ZDHHC13: variants seen among roughly 807,000 people sequenced by gnomAD.
ZDHHC13 encodes palmitoyltransferase ZDHHC13.
ZDHHC13 carries 85 observed loss-of-function variants against 86.0 expected under a neutral mutation model. The ratio of observed to expected loss-of-function variants is 0.99; its 90% CI spans 0.83 to 1.18. ZDHHC13 has a LOEUF of 1.18. ZDHHC13 is among the 50% of genes most tolerant of loss of function. The probability of loss-of-function intolerance (pLI) is 0.00; values close to 1 mark genes in which losing one functional copy is unlikely to be tolerated. For synonymous variants in ZDHHC13, 263 were observed against 246.4 expected, an observed-to-expected ratio of 1.07 and a Z score of -0.63; for missense variants, 711 against 730.2, an observed-to-expected ratio of 0.97 and a Z score of 0.30.
At chr11:19,146,329 G>T in intron 3 of ZDHHC13, 26 bp downstream of exon 3, 1 of 1,599,192 alleles carries the variant, frequency 6.3e-7, no homozygotes, top group Non-Finnish European at 8.5e-7. Flanking sequence ...TGTGTTAATT[G>T]TGTATTTATA....
At chr11:19,147,749 C>G (rs947657644) in intron 4 of ZDHHC13, 76 bp downstream of exon 4, 1 of 900,724 alleles carries the variant, frequency 1.1e-6, no homozygotes, top group Non-Finnish European at 1.6e-6. Flanking sequence ...CAGTTATAGA[C>G]GATTTGAAAG....
At chr11:19,129,164 C>T (rs987277126) in intron 1 of ZDHHC13, among the ~76,000 whole-genome samples, 1 of 152,072 alleles carries the variant, frequency 6.6e-6, no homozygotes, top group African/African-American at 2.4e-5. Flanking sequence ...TTAAAGATTC[C>T]TTAGGATTTT....
chr11:19,136,848 A>C (rs1376923955), intron 1 of ZDHHC13, among the ~76,000 whole-genome samples: 123 of 150,806 alleles, frequency 8.2e-4, no homozygotes, highest in African/African-American at 2.8e-3. Context: ...GAAATAAAAT[A>C]CTTTACAGAC....
Position 19,164,294 on chromosome 11 carries a change from C to T in ZDHHC13, c.1234-7C>T. ...TGTGGTAATAGGTCAAACTTCATGT[C>T]TTTCAGAATATCATCACCCTTGCAG... On this transcript the variant is annotated splice_polypyrimidine_tract_variant and splice_region_variant and intron_variant, in intron 11 of 16. Coordinates refer to ENST00000446113, the MANE Select transcript of ZDHHC13 (RefSeq NM_019028.3). 1 of 1,612,734 alleles carries T rather than the reference C, an allele frequency of 6.2e-7. No homozygotes were observed. Among genetic ancestry groups the T allele is most frequent in the Non-Finnish European group, 8.5e-7 (1 of 1,179,344 alleles).
At chr11:19,132,940 C>A (rs1216838742) in intron 1 of ZDHHC13, among the ~76,000 whole-genome samples, 1 of 152,110 alleles carries the variant, frequency 6.6e-6, no homozygotes. Context: ...GAAGGCTCTA[C>A]TTCATTTTTA....
intron 13 of ZDHHC13, among the ~76,000 whole-genome samples, chr11:19,165,535 G>A (rs1033788148): frequency 6.6e-6 from 1 of 152,164 alleles, no homozygotes; most frequent in Non-Finnish European, 1.5e-5. Flanking sequence ...TGTAGTAGCT[G>A]AGGAGTATTT....
At chr11:19,123,589 G>T (rs1848803323) in intron 1 of ZDHHC13, among the ~76,000 whole-genome samples, 1 of 152,176 alleles carries the variant, frequency 6.6e-6, no homozygotes, top group Non-Finnish European at 1.5e-5. Flanking sequence ...TAGGGCTGTA[G>T]TGAGATTTGA....
chr11:19,168,946 G>A, intron 14 of ZDHHC13: 2 of 985,170 alleles, frequency 2.0e-6, no homozygotes, highest in Non-Finnish European at 2.4e-6. Context: ...ATCTAAAGAT[G>A]AAAACGTTTG....
intron 1 of ZDHHC13, among the ~76,000 whole-genome samples, chr11:19,119,886 A>T (rs550542533): frequency 1.9e-4 from 29 of 152,304 alleles, no homozygotes; most frequent in African/African-American, 7.0e-4. Context: ...CTTTAATGAC[A>T]TGAGAACTTT....
intron 1 of ZDHHC13, among the ~76,000 whole-genome samples, chr11:19,125,915 G>T (rs1056899430): frequency 6.6e-6 from 1 of 152,156 alleles, no homozygotes; most frequent in Admixed American, 6.5e-5. Flanking sequence ...TGGTTGCCAA[G>T]AGTTGGTTGG....
At chr11:19,167,789 A>G (rs1440049700) in intron 14 of ZDHHC13, 1 of 151,982 alleles carries the variant, frequency 6.6e-6, no homozygotes, top group Non-Finnish European at 1.5e-5. Context: ...ATTAATTTTA[A>G]TTTTATTTGT....
chr11:19,165,169 A>T, intron 13 of ZDHHC13, 24 bp downstream of exon 13: 2 of 1,593,914 alleles, frequency 1.3e-6, no homozygotes, highest in Non-Finnish European at 8.6e-7. Context: ...TTTTTCAATT[A>T]CTACTGTGAA....
In ZDHHC13 at chr11:19,120,961, A is replaced by G. The variant is rs576948277; in HGVS notation, c.27+3685A>G. Among the ~76,000 whole-genome samples, 26 of 152,350 alleles carry G rather than the reference A, an allele frequency of 1.7e-4. No individual in the cohort carries two copies. The East Asian group carries it at 4.2e-3, about 25-fold the overall frequency. On this transcript the variant is annotated intron_variant, in intron 1 of 16. Coordinates refer to ENST00000446113, the MANE Select transcript of ZDHHC13 (RefSeq NM_019028.3). ...TAAACTGGCATATAGGATAAGCTTC[A>G]GGGCGTTAGTGAACATCTTGAAATT...
intron 1 of ZDHHC13, among the ~76,000 whole-genome samples, chr11:19,140,597 C>G (rs1849285638): frequency 6.6e-6 from 1 of 152,082 alleles, no homozygotes; most frequent in African/African-American, 2.4e-5. Context: ...AATCATGCTG[C>G]TATAAAGACA....
chr11:19,137,674 T>G (rs541668166), intron 1 of ZDHHC13, among the ~76,000 whole-genome samples: 2 of 151,902 alleles, frequency 1.3e-5, no homozygotes, highest in East Asian at 1.9e-4. Context: ...GAAGTAAAGC[T>G]CTCCTCAGCA....
intron 12 of ZDHHC13, 72 bp downstream of exon 12, chr11:19,164,435 G>A: frequency 7.1e-7 from 1 of 1,412,234 alleles, no homozygotes; most frequent in Non-Finnish European, 9.9e-7. Context: ...GTAAGCATTT[G>A]TCAGATCTTC....
chr11:19,144,451 G>T (rs919839311), intron 2 of ZDHHC13, among the ~76,000 whole-genome samples: 2 of 151,750 alleles, frequency 1.3e-5, no homozygotes, highest in African/African-American at 4.8e-5. Flanking sequence ...GTGTGTGTGT[G>T]TGTGTGTGTG....
intron 3 of ZDHHC13, among the ~76,000 whole-genome samples, chr11:19,147,089 G>A (rs373201916): frequency 1.3e-5 from 2 of 151,988 alleles, no homozygotes; most frequent in Non-Finnish European, 2.9e-5. Flanking sequence ...TCTCATCTCC[G>A]TACCCTAAAT....
rs561068552 is a variant in ZDHHC13, at chr11:19,175,983, A to T, written c.*23A>T. 9.5e-6 allele frequency: 15 copies of T among 1,581,530 alleles called. No homozygotes were observed. The highest frequency in any genetic ancestry group is 1.3e-5 in the Non-Finnish European group (15 of 1,169,310). On this transcript the variant is annotated 3_prime_UTR_variant, in exon 17 of 17. Coordinates refer to ENST00000446113, the MANE Select transcript of ZDHHC13 (RefSeq NM_019028.3). Reference sequence around the variant, plus strand: ...TGAAGAAAAGCAACCCAAAACTCTCAATCTGATTTGTTTTTGTTTATGTCG... The same window carrying T: ...TGAAGAAAAGCAACCCAAAACTCTCTATCTGATTTGTTTTTGTTTATGTCG...
Sources: allele counts gnomAD v4.1 joint callset (sites outside exome capture counted in the v4.1 genomes callset), GRCh38; gene constraint gnomAD v4.1.1; transcripts MANE v1.5; gene names NCBI Gene and HGNC (gene_info 2026-07-23, HGNC 2026-07-21).